LCOR: variants seen among roughly 807,000 people sequenced by gnomAD.
LCOR encodes the protein ligand dependent nuclear receptor corepressor, also known as ligand-dependent corepressor.
A neutral mutation model predicts 64.4 loss-of-function variants in LCOR; 14 were observed. The ratio of observed to expected loss-of-function variants is 0.22; its 90% confidence interval spans 0.14 to 0.34. The LOEUF is 0.34. Ranked by LOEUF, LCOR falls within the 10% of genes least tolerant of loss-of-function variation. LCOR has a pLI of 1.00. For missense variants in LCOR, 1,686 were observed against 1,765.3 expected, an observed-to-expected ratio of 0.96 and a Z score of 0.80; for synonymous variants, 643 against 642.5, an observed-to-expected ratio of 1.00 and a Z score of -0.01.
intron 2 of LCOR, among the ~76,000 whole-genome samples, chr10:96,846,542 T>C (rs1166412448): frequency 6.6e-6 from 1 of 152,194 alleles, no homozygotes; most frequent in African/African-American, 2.4e-5. Context: ...CATGAGCCAC[T>C]GTGCCTGTCT....
intron 2 of LCOR, among the ~76,000 whole-genome samples, chr10:96,881,599 G>A (rs1346534952): frequency 2.6e-5 from 4 of 152,020 alleles, no homozygotes; most frequent in Non-Finnish European, 4.4e-5. Context: ...TGGGATTACA[G>A]GTGCCCGCCA....
intron 2 of LCOR, among the ~76,000 whole-genome samples, chr10:96,846,127 A>C (rs1338760380): frequency 6.6e-6 from 1 of 152,100 alleles, no homozygotes; most frequent in Non-Finnish European, 1.5e-5. Flanking sequence ...GAATTGCTTG[A>C]ATGTGGGAGG....
chr10:96,833,141 TGTC>T (rs1256275765), intron 1 of LCOR: 25 of 984,908 alleles, frequency 2.5e-5, no homozygotes, highest in Non-Finnish European at 2.9e-5. Flanking sequence ...TTGTGTTCGG[TGTC>T]GTGCTGCGGG....
intron 5 of LCOR, among the ~76,000 whole-genome samples, chr10:96,946,084 A>G (rs886511759): frequency 6.6e-6 from 1 of 152,032 alleles, no homozygotes. Context: ...GCTCAGAGAA[A>G]GAACTGTTCC....
chr10:96,960,167 A>G (rs1847856196), intron 7 of LCOR: 1 of 152,232 alleles, frequency 6.6e-6, no homozygotes, highest in Non-Finnish European at 1.5e-5. Context: ...TAGGCAGTAC[A>G]TAGCAACCTT....
chr10:96,865,956 TCTC>T (rs1845964874), intron 2 of LCOR, among the ~76,000 whole-genome samples: 1 of 151,348 alleles, frequency 6.6e-6, no homozygotes, highest in African/African-American at 2.4e-5. Flanking sequence ...TTCTGGCCAA[TCTC>T]TTACTGCCAC....
chr10:96,877,066 A>T (rs575628793), intron 2 of LCOR, among the ~76,000 whole-genome samples: 14 of 152,270 alleles, frequency 9.2e-5, no homozygotes, highest in African/African-American at 3.4e-4. Flanking sequence ...TCAAGGTAAA[A>T]TCTTTTGCCT....
intron 2 of LCOR, among the ~76,000 whole-genome samples, chr10:96,848,202 A>C (rs1442423583): frequency 6.6e-6 from 1 of 152,256 alleles, no homozygotes; most frequent in Non-Finnish European, 1.5e-5. Context: ...AAGAATGTTA[A>C]GAATATAAGC....
intron 2 of LCOR, among the ~76,000 whole-genome samples, chr10:96,866,580 A>G (rs1181135222): frequency 6.6e-6 from 1 of 152,144 alleles, no homozygotes; most frequent in Admixed American, 6.6e-5. Flanking sequence ...AGAAATTGCC[A>G]AATAACCCTT....
chr10:96,909,140 G>A (rs1293866436), intron 4 of LCOR, among the ~76,000 whole-genome samples: 1 of 151,734 alleles, frequency 6.6e-6, no homozygotes, highest in Non-Finnish European at 1.5e-5. Flanking sequence ...GTCTTCTTCA[G>A]TCTCTTAAAT....
intron 7 of LCOR, among the ~76,000 whole-genome samples, chr10:96,964,847 A>G (rs1847931862): frequency 6.6e-6 from 1 of 152,146 alleles, no homozygotes; most frequent in Admixed American, 6.6e-5. Context: ...TCAGAAAATA[A>G]TAGTGACTAT....
intron 7 of LCOR, chr10:96,958,083 A>G (rs1230993833): frequency 2.8e-6 from 3 of 1,077,888 alleles, no homozygotes; most frequent in Non-Finnish European, 3.4e-6. Context: ...TACACACTCA[A>G]GAATTTGTCA....
At chr10:96,949,983 A>G (rs535382983) in intron 6 of LCOR, among the ~76,000 whole-genome samples, 14 of 152,270 alleles carry the variant, frequency 9.2e-5, no homozygotes, top group African/African-American at 3.1e-4. Context: ...TCTGAAGTTT[A>G]TTTTCTTCAG....
intron 2 of LCOR, among the ~76,000 whole-genome samples, chr10:96,844,123 C>A: frequency 2.0e-5 from 2 of 99,742 alleles, no homozygotes; most frequent in East Asian, 5.2e-4. Context: ...CCCCCTCCCT[C>A]CCTTCCTTCC....
intron 4 of LCOR, among the ~76,000 whole-genome samples, chr10:96,932,365 T>A (rs953491479): frequency 6.6e-6 from 1 of 152,168 alleles, no homozygotes; most frequent in Non-Finnish European, 1.5e-5. Flanking sequence ...GAAAAAACTA[T>A]ATAAGAACAA....
intron 7 of LCOR, chr10:96,962,165 C>T (rs765497425): frequency 6.6e-6 from 1 of 151,850 alleles, no homozygotes; most frequent in Non-Finnish European, 1.5e-5. Context: ...CATTTTGTAC[C>T]TTTCTAGCAA....
chr10:96,849,643 G>C (rs551139215), intron 2 of LCOR, among the ~76,000 whole-genome samples: 1 of 152,242 alleles, frequency 6.6e-6, no homozygotes, highest in South Asian at 2.1e-4. Flanking sequence ...CAAAATGCAG[G>C]TGCACAACAT....
chr10:96,902,721 A>C (rs1846661044), intron 2 of LCOR, among the ~76,000 whole-genome samples: 1 of 152,224 alleles, frequency 6.6e-6, no homozygotes, highest in Non-Finnish European at 1.5e-5. Flanking sequence ...ACTTTTAAGC[A>C]AACAACTCCA....
At chr10:96,900,348 G>C (rs1055312839) in intron 2 of LCOR, among the ~76,000 whole-genome samples, 27 of 151,470 alleles carry the variant, frequency 1.8e-4, no homozygotes, top group African/African-American at 6.6e-4. Flanking sequence ...TCCTATACTT[G>C]ATTCTTTTTT....
Sources: allele counts gnomAD v4.1 joint callset (sites outside exome capture counted in the v4.1 genomes callset), GRCh38; gene constraint gnomAD v4.1.1; transcripts MANE v1.5; gene names NCBI Gene and HGNC (gene_info 2026-07-23, HGNC 2026-07-21).